Variants in ERCC6L2 observed in about 807,000 individuals in gnomAD.
ERCC6L2 encodes the protein DNA excision repair protein ERCC-6-like 2.
In ERCC6L2, 77 loss-of-function variants were observed where a neutral mutation model predicts 132.0. The observed-to-expected ratio is 0.58, with a 90% confidence interval of 0.49 to 0.71. The LOEUF (loss-of-function observed/expected upper bound fraction) is 0.71, where lower values mean the gene tolerates loss of function less well. ERCC6L2 is among the 30% of genes least tolerant of loss of function. The pLI is 0.00. For synonymous variants in ERCC6L2, 583 were observed against 632.4 expected (o/e 0.92, Z 1.17); for missense variants, 1,542 against 1,837.6 (o/e 0.84, Z 2.94).
chr9:95,928,852 T>TC lies in ERCC6L2; in HGVS notation c.1739_1740insC (p.Val581CysfsTer22). 1 of 1,590,980 alleles carries TC rather than the reference T, an allele frequency of 6.3e-7. No homozygotes were observed. The highest frequency in any genetic ancestry group is 8.5e-7 in the Non-Finnish European group (1 of 1,170,660). ...AGTACACAAGATGTTAACATTTGCC[T>TC]TGTCTCTACAATGTAAGAAAATTAA... is the stretch of plus-strand genomic sequence containing the variant. On this transcript the variant is annotated frameshift_variant, in exon 11 of 19. Coordinates refer to ENST00000653738, the MANE Select transcript of ERCC6L2 (RefSeq NM_020207.7). LOFTEE classifies it high-confidence loss of function.
intron 2 of ERCC6L2, among the ~76,000 whole-genome samples, chr9:95,893,117 A>G (rs994358557): frequency 4.6e-5 from 7 of 152,258 alleles, no homozygotes; most frequent in Admixed American, 3.9e-4. Flanking sequence ...ACTTCTTGCA[A>G]TGTACCTAAT....
intron 17 of ERCC6L2, among the ~76,000 whole-genome samples, chr9:95,982,717 A>G (rs1832941065): frequency 6.6e-6 from 1 of 152,038 alleles, no homozygotes; most frequent in African/African-American, 2.4e-5. Flanking sequence ...ATGTGTATAT[A>G]TATATATGAA....
chr9:95,969,079 T>TG (rs2133064963), intron 14 of ERCC6L2, among the ~76,000 whole-genome samples: 1 of 152,090 alleles, frequency 6.6e-6, no homozygotes, highest in East Asian at 1.9e-4. Flanking sequence ...GGGAAACAAA[T>TG]GCAGAGGTCC....
In ERCC6L2 at chr9:95,916,526, A is replaced by G. The variant is rs1043051532; in HGVS notation, c.1158+92A>G. The G allele has an allele frequency of 5.4e-6, 6 of 1,112,434 alleles. No individual in the cohort carries two copies. In the African/African-American group the frequency reaches 9.8e-5, roughly 18 times the overall value. The allele number at this position is 1,112,434 out of a possible 1,614,324, so 68.9% of individuals were successfully genotyped here. ...GTCTGTCTCCTGTGGCATTTTGTAA[A>G]TACAGTTTTTTGCCTTTTATTCTGT... On this transcript the variant is annotated intron_variant, in intron 6 of 18. Coordinates refer to ENST00000653738, the MANE Select transcript of ERCC6L2 (RefSeq NM_020207.7).
Position 96,015,015 on chromosome 9 carries a change from G to GTTTTTTTTTTTTT in ERCC6L2, c.*1825_*1837dup, listed in dbSNP as rs767745101. The stretch of plus-strand genomic sequence containing the variant: ...GCTCTATAGTCTTCATATATGTACA[G>GTTTTTTTTTTTTT]TTTTTTTTTTTTTTTTTTTTTTTTT... On this transcript the variant is annotated 3_prime_UTR_variant, in exon 19 of 19. Coordinates refer to ENST00000653738, the MANE Select transcript of ERCC6L2 (RefSeq NM_020207.7). 3.3e-3 allele frequency among the ~76,000 whole-genome samples: 213 copies of GTTTTTTTTTTTTT among 65,440 alleles called. 15 individuals carry two copies. The highest frequency in any genetic ancestry group is 3.7e-3 in the Non-Finnish European group (142 of 38,002). 42.9% of individuals were successfully genotyped at this position (65,440 alleles called of 152,430 possible). A position where few individuals can be genotyped will look rare whatever the true frequency, so the allele number is the denominator to read the frequency against.
intron 6 of ERCC6L2, among the ~76,000 whole-genome samples, chr9:95,919,566 A>G (rs1829765111): frequency 6.6e-6 from 1 of 152,194 alleles, no homozygotes; most frequent in South Asian, 2.1e-4. Context: ...AAGGCTCATT[A>G]CACCTGGTTC....
At chr9:95,990,931 C>T (rs1316700559) in intron 17 of ERCC6L2, among the ~76,000 whole-genome samples, 2 of 152,020 alleles carry the variant, frequency 1.3e-5, no homozygotes, top group African/African-American at 4.8e-5. Flanking sequence ...GGGCGGCTCT[C>T]AGCAGAAAGG....
At chr9:95,879,420 G>A (rs1352685039) in intron 1 of ERCC6L2, among the ~76,000 whole-genome samples, 1 of 152,172 alleles carries the variant, frequency 6.6e-6, no homozygotes, top group Non-Finnish European at 1.5e-5. Context: ...TGATAGGGTA[G>A]GCAAACACAT....
Position 95,966,554 on chromosome 9 carries a change from T to C in ERCC6L2, c.1948-8T>C. Reference sequence around the variant, plus strand: ...CTTCAAAAATGTCTTGTGTTTTTTCTGTTTTAGCAACTTCACTGTGTGGTG... The same window carrying C: ...CTTCAAAAATGTCTTGTGTTTTTTCCGTTTTAGCAACTTCACTGTGTGGTG... On this transcript the variant is annotated splice_polypyrimidine_tract_variant and splice_region_variant and intron_variant, in intron 13 of 18. Coordinates refer to ENST00000653738, the MANE Select transcript of ERCC6L2 (RefSeq NM_020207.7). 1 of 1,452,282 alleles carries C rather than the reference T, an allele frequency of 6.9e-7. No homozygotes were observed. Among genetic ancestry groups the C allele is most frequent in the Non-Finnish European group, 9.2e-7 (1 of 1,085,472 alleles). 90.0% of individuals were successfully genotyped at this position (1,452,282 alleles called of 1,614,324 possible). A position where few individuals can be genotyped will look rare whatever the true frequency, so the allele number is the denominator to read the frequency against.
intron 4 of ERCC6L2, among the ~76,000 whole-genome samples, chr9:95,913,407 A>G (rs1434897999): frequency 1.3e-5 from 2 of 152,162 alleles, no homozygotes; most frequent in Non-Finnish European, 2.9e-5. Flanking sequence ...ATGGTCATCT[A>G]CAATGGTGGC....
At chr9:95,992,801 G>T (rs1564290753) in intron 17 of ERCC6L2, among the ~76,000 whole-genome samples, 2 of 152,104 alleles carry the variant, frequency 1.3e-5, no homozygotes, top group Non-Finnish European at 2.9e-5. Context: ...GGCAGCAGTG[G>T]GTGCCTGCCA....
chr9:95,950,531 T>TA (rs1367138245), intron 12 of ERCC6L2, among the ~76,000 whole-genome samples: 1 of 152,164 alleles, frequency 6.6e-6, no homozygotes, highest in Non-Finnish European at 1.5e-5. Context: ...ATTCCATAAT[T>TA]AAAAGATGTA....
At chr9:96,027,670 C>G (rs1050854084) in intron 19 of ERCC6L2, 3 of 152,358 alleles carry the variant, frequency 2.0e-5, no homozygotes, top group African/African-American at 7.2e-5. Context: ...TGCACCTTCT[C>G]CCGGGGCGCC....
At chr9:96,005,414 T>C (rs1296530622) in intron 18 of ERCC6L2, among the ~76,000 whole-genome samples, 1 of 151,726 alleles carries the variant, frequency 6.6e-6, no homozygotes, top group East Asian at 1.9e-4. Context: ...TATAAAATGA[T>C]GTGTTATAAG....
At chr9:95,900,386 C>CA (rs201613057) in intron 3 of ERCC6L2, among the ~76,000 whole-genome samples, 4,725 of 137,890 alleles carry the variant, frequency 0.034, 102 homozygotes, top group East Asian at 0.14. Context: ...GACCCTGTCT[C>CA]AAAAAAAAAA....
At chr9:95,956,038 T>A in intron 13 of ERCC6L2, 25 bp downstream of exon 13, 1 of 1,384,630 alleles carries the variant, frequency 7.2e-7, no homozygotes, top group Non-Finnish European at 1.0e-6. Context: ...CTTTTTCTGT[T>A]TCAGAGGTCA....
At chr9:96,022,648 G>A (rs1183640919), downstream of ERCC6L2, among the ~76,000 whole-genome samples, 2 of 152,184 alleles carry the variant, frequency 1.3e-5, no homozygotes, top group Non-Finnish European at 2.9e-5. Context: ...GGGCCAGACG[G>A]CAGCGAGTGT....
At chr9:96,003,183 C>T (rs1588045865) in intron 17 of ERCC6L2, among the ~76,000 whole-genome samples, 2 of 152,126 alleles carry the variant, frequency 1.3e-5, no homozygotes, top group Non-Finnish European at 2.9e-5. Flanking sequence ...ATATTTGTTA[C>T]ATGTGCTCAA....
intron 19 of ERCC6L2, among the ~76,000 whole-genome samples, chr9:96,026,736 CCA>C (rs1274104756): frequency 1.9e-4 from 28 of 147,866 alleles, no homozygotes; most frequent in Middle Eastern, 3.6e-3. Context: ...ACACACCACA[CCA>C]CACACACAGC....
Sources: gnomAD v4.1 joint callset for allele counts (sites outside exome capture counted in the v4.1 genomes callset) on GRCh38, gnomAD v4.1.1 for gene constraint, MANE v1.5 for transcripts, NCBI Gene and HGNC (gene_info 2026-07-23, HGNC 2026-07-21) for gene names.